ZCCHC4: variants seen among roughly 807,000 people sequenced by gnomAD.
The protein encoded by ZCCHC4 is zinc finger CCHC-type containing 4, also known as rRNA N(6)-adenosine-methyltransferase ZCCHC4.
Under a neutral mutation model 67.7 loss-of-function variants are expected in ZCCHC4, and 54 were observed. The observed-to-expected ratio is 0.80, with a 90% CI of 0.64 to 1.00. The LOEUF (loss-of-function observed/expected upper bound fraction) is 1.00. ZCCHC4 is among the 50% of genes least tolerant of loss of function. The pLI, the probability that ZCCHC4 is intolerant of heterozygous loss-of-function variation, is 0.00. For missense variants in ZCCHC4, 609 were observed against 617.0 expected (o/e 0.99, Z 0.14); for synonymous variants, 198 against 213.5 (o/e 0.93, Z 0.63).
intron 3 of ZCCHC4, among the ~76,000 whole-genome samples, chr4:25,319,485 A>G (rs1379549949): frequency 6.6e-6 from 1 of 152,154 alleles, no homozygotes; most frequent in Non-Finnish European, 1.5e-5. Context: ...TAAGGAGAGG[A>G]CATCTGAACA....
chr4:25,313,901 A>C (rs953135150), intron 1 of ZCCHC4, 145 bp from the exon 2 acceptor site: 3 of 592,974 alleles, frequency 5.1e-6, no homozygotes, highest in Admixed American at 5.6e-5. Flanking sequence ...AAAACAAAAA[A>C]CAACCAACCA....
Position 25,361,990 on chromosome 4 carries a change from C to T in ZCCHC4, c.1133+10C>T, listed in dbSNP as rs1247097508. The T allele has an allele frequency of 6.2e-7, 1 of 1,607,558 alleles. No individual in the cohort carries two copies. Among genetic ancestry groups the T allele is most frequent in the African/African-American group, 1.3e-5 (1 of 74,774 alleles). On this transcript the variant is annotated intron_variant, in intron 9 of 12. Transcript: ENST00000302874. ...CTGAAGAAGGGTACAGGTAAGATCA[C>T]AGTGGAACTTTGAAGTACACAAGTC...
intron 3 of ZCCHC4, among the ~76,000 whole-genome samples, chr4:25,315,670 A>C (rs113261748): frequency 4.1e-5 from 6 of 145,648 alleles, no homozygotes; most frequent in African/African-American, 1.3e-4. Context: ...TCCTCATTCT[A>C]CCTCCTCCCA....
At chr4:25,325,099 C>T (rs1393288248) in intron 3 of ZCCHC4, among the ~76,000 whole-genome samples, 4 of 140,582 alleles carry the variant, frequency 2.8e-5, no homozygotes, top group South Asian at 4.5e-4. Flanking sequence ...AAAAATTAGC[C>T]GGGCGAGGTA....
At chr4:25,347,743 A>G (rs1162279012) in intron 6 of ZCCHC4, among the ~76,000 whole-genome samples, 1 of 152,206 alleles carries the variant, frequency 6.6e-6, no homozygotes, top group African/African-American at 2.4e-5. Context: ...CAAAAGCTGG[A>G]GTTCCCTGCA....
rs1560420730 is a variant in ZCCHC4, at chr4:25,370,238, T to C, written c.*1074T>C. The C allele has an allele frequency of 1.3e-5, 2 of 152,176 alleles. No individual in the cohort carries two copies. Among genetic ancestry groups the C allele is most frequent in the Non-Finnish European group, 2.9e-5 (2 of 68,028 alleles). The allele number at this position is 152,176 out of a possible 1,614,324, so 9.4% of individuals were successfully genotyped here. A position where few individuals can be genotyped will look rare whatever the true frequency, so the allele number is the denominator to read the frequency against. On this transcript the variant is annotated 3_prime_UTR_variant, in exon 13 of 13. Coordinates refer to ENST00000302874, the MANE Select transcript of ZCCHC4 (RefSeq NM_024936.3). Reference sequence around the variant, plus strand: ...TAAACGCCCAAACTAAACTCCTCATTCCTACCCTTAATATTTCCTGGCTGT... The same window carrying C: ...TAAACGCCCAAACTAAACTCCTCATCCCTACCCTTAATATTTCCTGGCTGT...
At chr4:25,313,381 G>A (rs1442072247) in intron 1 of ZCCHC4, among the ~76,000 whole-genome samples, 1 of 152,192 alleles carries the variant, frequency 6.6e-6, no homozygotes, top group Non-Finnish European at 1.5e-5. Flanking sequence ...GGTTTTCACT[G>A]CAAGGGTAAC....
intron 3 of ZCCHC4, among the ~76,000 whole-genome samples, chr4:25,331,845 C>T (rs761151808): frequency 3.9e-5 from 6 of 152,116 alleles, no homozygotes; most frequent in South Asian, 4.1e-4. Context: ...TTTAAATTAC[C>T]GGCACGATAG....
At chr4:25,355,696 G>C (rs1403974591) in intron 8 of ZCCHC4, among the ~76,000 whole-genome samples, 1 of 152,090 alleles carries the variant, frequency 6.6e-6, no homozygotes, top group East Asian at 1.9e-4. Flanking sequence ...GCAATTTCTG[G>C]AAAATTATTG....
chr4:25,327,387 TC>T (rs1718939397), intron 3 of ZCCHC4, among the ~76,000 whole-genome samples: 1 of 110,920 alleles, frequency 9.0e-6, no homozygotes, highest in Non-Finnish European at 1.8e-5. Context: ...TCTCCCTCCC[TC>T]CCTCCCTCCC....
rs1214373983 is a variant in ZCCHC4 at position 25,339,436 on chromosome 4, C to T, written c.686+5448C>T. 5.9e-5 allele frequency among the ~76,000 whole-genome samples: 9 copies of T among 152,166 alleles called. No homozygotes were observed. The East Asian group carries it at 1.7e-3, about 29-fold the overall frequency. On this transcript the variant is annotated intron_variant, in intron 5 of 12. Transcript: ENST00000302874. Reference sequence around the variant, plus strand: ...TATGAGGTTTCTAATTTCTCCATGTCCTTGCCAATGTTTATTATCATCTGT... The same window carrying T: ...TATGAGGTTTCTAATTTCTCCATGTTCTTGCCAATGTTTATTATCATCTGT...
At chr4:25,351,751 TAA>T in intron 8 of ZCCHC4, 62 bp downstream of exon 8, 1 of 1,362,508 alleles carries the variant, frequency 7.3e-7, no homozygotes, top group Non-Finnish European at 1.0e-6. Context: ...TGAATAGATA[TAA>T]GACTATTCAT....
At chr4:25,330,681 A>C (rs1719132391) in intron 3 of ZCCHC4, among the ~76,000 whole-genome samples, 2 of 152,338 alleles carry the variant, frequency 1.3e-5, no homozygotes, top group South Asian at 4.1e-4. Context: ...AGGACTGAGC[A>C]ACCTTTCGTG....
chr4:25,344,322 G>T (rs1719891429), intron 5 of ZCCHC4, among the ~76,000 whole-genome samples: 1 of 151,830 alleles, frequency 6.6e-6, no homozygotes, highest in African/African-American at 2.4e-5. Flanking sequence ...GTAGGGACAT[G>T]GATGAAATTG....
intron 3 of ZCCHC4, among the ~76,000 whole-genome samples, chr4:25,318,729 TATTA>T (rs1202622004): frequency 6.6e-6 from 1 of 152,198 alleles, no homozygotes; most frequent in East Asian, 1.9e-4. Flanking sequence ...TCATATTTTA[TATTA>T]ATTAGAACAC....
chr4:25,327,715 A>G (rs1448606280), intron 3 of ZCCHC4, among the ~76,000 whole-genome samples: 1 of 152,164 alleles, frequency 6.6e-6, no homozygotes, highest in Non-Finnish European at 1.5e-5. Flanking sequence ...TCCTGGGCTC[A>G]AGCCGTCCTC....
chr4:25,342,969 T>C (rs16877042), intron 5 of ZCCHC4, among the ~76,000 whole-genome samples: 10,292 of 152,256 alleles, frequency 0.068, 383 homozygotes, highest in South Asian at 0.11. Context: ...AAAATGACTG[T>C]TGTATCTTTG....
chr4:25,369,327 C>A lies in ZCCHC4; in HGVS notation c.*163C>A. On this transcript the variant is annotated 3_prime_UTR_variant, in exon 13 of 13. Coordinates refer to ENST00000302874, the MANE Select transcript of ZCCHC4 (RefSeq NM_024936.3). ...TTGCTGGTTTACAGTCCCTTATCTG[C>A]CTCTCTGGAGACATGGGGAGTTGTT... The A allele has an allele frequency of 3.5e-6, 3 of 865,798 alleles. No homozygotes were observed. The highest frequency in any genetic ancestry group is 1.8e-5 in the South Asian group (1 of 54,596). The allele number at this position is 865,798 out of a possible 1,614,324, so 53.6% of individuals were successfully genotyped here.
At chr4:25,360,127 C>A (rs1338860686) in intron 8 of ZCCHC4, among the ~76,000 whole-genome samples, 1 of 152,232 alleles carries the variant, frequency 6.6e-6, no homozygotes, top group African/African-American at 2.4e-5. Flanking sequence ...TGACAGTGGA[C>A]TTTCATAGTG....
Sources: allele counts gnomAD v4.1 joint callset (sites outside exome capture counted in the v4.1 genomes callset), GRCh38; gene constraint gnomAD v4.1.1; transcripts MANE v1.5; gene names NCBI Gene and HGNC (gene_info 2026-07-23, HGNC 2026-07-21).